The following IGFBP2 variants were observed in gnomAD, a reference collection of about 807,000 sequenced individuals.
The protein encoded by IGFBP2 is insulin-like growth factor-binding protein 2.
IGFBP2 carries 12 observed loss-of-function variants against 26.2 expected under a neutral mutation model. The ratio of observed to expected loss-of-function variants is 0.46; its 90% confidence interval spans 0.29 to 0.74. The LOEUF is 0.74. Ranked by LOEUF, IGFBP2 falls within the 30% of genes least tolerant of loss-of-function variation. The pLI is 0.09. For synonymous variants in IGFBP2, 189 were observed against 200.6 expected (o/e 0.94, Z 0.49); for missense variants, 328 against 441.2 (o/e 0.74, Z 2.30).
chr2:216,637,580 C>T lies in IGFBP2; in HGVS notation c.442+3615C>T, dbSNP rs114765942. ...GGTGGTAATGACCCACTTCTTTAGA[C>T]AAGATATTTGAGGAAGGTTCGAGAA... On this transcript the variant is annotated intron_variant, in intron 1 of 3. Transcript: ENST00000233809. Among the ~76,000 whole-genome samples the T allele has an allele frequency of 4.1e-3, 630 of 152,284 alleles. 4 individuals carry two copies. Among genetic ancestry groups the T allele is most frequent in the African/African-American group, 0.015 (610 of 41,548 alleles).
rs550424512 is a variant in IGFBP2 at position 216,664,366 on chromosome 2, G to A, written c.*262G>A. 104 of 351,896 alleles carry A rather than the reference G, an allele frequency of 3.0e-4. 1 individual carries two copies. The highest frequency in any genetic ancestry group is 1.7e-3 in the African/African-American group (80 of 48,378). The allele number at this position is 351,896 out of a possible 1,614,324, so 21.8% of individuals were successfully genotyped here. A position where few individuals can be genotyped will look rare whatever the true frequency, so the allele number is the denominator to read the frequency against. On this transcript the variant is annotated 3_prime_UTR_variant, in exon 4 of 4. Transcript: ENST00000233809. This position sits in a 1 kb window ranked among gnomAD's most constrained non-coding sequence, Gnocchi z 4.6. The stretch of plus-strand genomic sequence containing the variant: ...GGGAGCTGGGGTACAGGTTTGGGGA[G>A]GGGGAAGAGAAATTTTTATTTTTGA...
At chr2:216,641,438 A>G (rs962375332) in intron 1 of IGFBP2, among the ~76,000 whole-genome samples, 1 of 152,146 alleles carries the variant, frequency 6.6e-6, no homozygotes, top group African/African-American at 2.4e-5. Flanking sequence ...AAAGATATAA[A>G]CTATATATAA....
intron 1 of IGFBP2, among the ~76,000 whole-genome samples, chr2:216,645,514 C>T (rs937582028): frequency 2.0e-5 from 3 of 152,148 alleles, no homozygotes; most frequent in African/African-American, 7.2e-5. Flanking sequence ...GTTCATTTAT[C>T]AAGTGTGAGG....
In IGFBP2 at chr2:216,633,951, C is replaced by T. The variant is rs201501424; in HGVS notation, c.428C>T (p.Pro143Leu). The T allele has an allele frequency of 3.7e-6, 6 of 1,601,694 alleles. No homozygotes were observed. Among genetic ancestry groups the T allele is most frequent in the South Asian group, 3.4e-5 (3 of 88,884 alleles). Reference sequence around the variant, plus strand: ...CGGGACGCCGAGTATGGCGCCAGCCCGGAGCAGGTTGCAGGTAACGCGGTC... The same window carrying T: ...CGGGACGCCGAGTATGGCGCCAGCCTGGAGCAGGTTGCAGGTAACGCGGTC... The part of the protein sequence containing the change: ...KRRDAEYGAS[P>L]EQVADNGDDH... Residue 143 changes from proline to leucine, a missense_variant, in exon 1 of 4, where the codon CCG becomes CTG. By Grantham distance (98) the Pro-to-Leu change is moderately conservative. Transcript: ENST00000233809.
Position 216,633,892 on chromosome 2 carries a change from G to C in IGFBP2, c.369G>C (p.Ala123=), listed in dbSNP as rs746506331. The C allele has an allele frequency of 1.9e-6, 3 of 1,591,750 alleles. No individual in the cohort carries two copies. The highest frequency in any genetic ancestry group is 2.7e-5 in the African/African-American group (2 of 74,520). Residue 123 remains alanine (A), a synonymous_variant, in exon 1 of 4, where the codon GCG becomes GCC. Coordinates refer to ENST00000233809, the MANE Select transcript of IGFBP2 (RefSeq NM_000597.3). The part of the protein sequence containing the change: ...PHPGSELPLQ[A]LVMGEGTCEK... ...CGGGCTCCGAGCTGCCCCTGCAGGC[G>C]CTGGTCATGGGCGAGGGCACTTGTG...
chr2:216,643,203 A>T (rs9341134), intron 1 of IGFBP2, among the ~76,000 whole-genome samples: 13,414 of 152,122 alleles, frequency 0.088, 709 homozygotes, highest in African/African-American at 0.15. Flanking sequence ...CAAAAAAGTG[A>T]TATGTTCTTG....
chr2:216,664,170 A>C lies in IGFBP2; in HGVS notation c.*66A>C. 1 of 1,358,780 alleles carries C rather than the reference A, an allele frequency of 7.4e-7. No individual in the cohort carries two copies. The highest frequency in any genetic ancestry group is 1.0e-6 in the Non-Finnish European group (1 of 1,004,920). The allele number at this position is 1,358,780 out of a possible 1,614,324, so 84.2% of individuals were successfully genotyped here. On this transcript the variant is annotated 3_prime_UTR_variant, in exon 4 of 4. Transcript: ENST00000233809. The surrounding 1 kb of genome is among the most constrained non-coding windows in gnomAD (Gnocchi z 4.6). ...CTCTCCAAACACCGGCAGAAAACGG[A>C]GAGTGCTTGGGTGGTGGGTGCTGGA...
chr2:216,647,198 A>G (rs1697727582), intron 1 of IGFBP2, among the ~76,000 whole-genome samples: 1 of 152,222 alleles, frequency 6.6e-6, no homozygotes, highest in Non-Finnish European at 1.5e-5. Context: ...AAGAGAATCA[A>G]GTTGGACAGG....
At chr2:216,659,195 T>A (rs1255448684) in intron 1 of IGFBP2, among the ~76,000 whole-genome samples, 2 of 152,212 alleles carry the variant, frequency 1.3e-5, no homozygotes, top group Non-Finnish European at 2.9e-5. Flanking sequence ...GGGCACGCCT[T>A]GACAGCAGGT....
At chr2:216,662,332 T>G in intron 3 of IGFBP2, 1 of 288,114 alleles carries the variant, frequency 3.5e-6, no homozygotes, top group Non-Finnish European at 6.7e-6. Context: ...CCTGGAGCTC[T>G]TCCTGGGCCC....
intron 1 of IGFBP2, among the ~76,000 whole-genome samples, chr2:216,657,575 GCACT>G (rs1013026776): frequency 1.4e-4 from 21 of 152,176 alleles, no homozygotes; most frequent in African/African-American, 5.1e-4. Flanking sequence ...CTGAGCAGGG[GCACT>G]CACTCAGCCT....
At chr2:216,636,075 G>A (rs1278671929) in intron 1 of IGFBP2, among the ~76,000 whole-genome samples, 1 of 151,672 alleles carries the variant, frequency 6.6e-6, no homozygotes, top group African/African-American at 2.4e-5. Context: ...AGCTTGCAAG[G>A]GTGCAGGAGA....
chr2:216,640,025 C>T (rs1409049730), intron 1 of IGFBP2, among the ~76,000 whole-genome samples: 1 of 152,156 alleles, frequency 6.6e-6, no homozygotes, highest in Non-Finnish European at 1.5e-5. Context: ...CTCCCTCTTC[C>T]TCCTCCTGCC....
At chr2:216,650,551 T>C (rs779779685) in intron 1 of IGFBP2, among the ~76,000 whole-genome samples, 4 of 152,236 alleles carry the variant, frequency 2.6e-5, no homozygotes, top group Non-Finnish European at 5.9e-5. Context: ...GTAGGTGTTT[T>C]GTCACCGTGG....
chr2:216,663,984 G>T lies in IGFBP2; in HGVS notation c.858G>T (p.Val286=), dbSNP rs775490945. The T allele has an allele frequency of 9.9e-6, 16 of 1,614,074 alleles. No individual in the cohort carries two copies. Among genetic ancestry groups the T allele is most frequent in the Non-Finnish European group, 1.3e-5 (15 of 1,180,038 alleles). The change falls in exon 4 of 4, where the codon GTG becomes GTT. Residue 286 remains valine, a synonymous_variant. Coordinates refer to ENST00000233809, the MANE Select transcript of IGFBP2 (RefSeq NM_000597.3). ...GGCAGCGTGGGGAGTGCTGGTGTGT[G>T]AACCCCAACACCGGGAAGCTGATCC... is the stretch of plus-strand genomic sequence containing the variant. ...LNGQRGECWC[V]NPNTGKLIQG...
chr2:216,640,335 C>T lies in IGFBP2; in HGVS notation c.442+6370C>T, dbSNP rs9341128. Among the ~76,000 whole-genome samples, 1,457 of 152,240 alleles carry T rather than the reference C, an allele frequency of 9.6e-3. 27 individuals are homozygous for T. The highest frequency in any genetic ancestry group is 0.033 in the African/African-American group (1,365 of 41,536). On this transcript the variant is annotated intron_variant, in intron 1 of 3. Transcript: ENST00000233809. ...TATAGGCCAGGGAATGGGATTCTCT[C>T]CTATAAGAGTTAGCACTAGCGCTGC... is the stretch of plus-strand genomic sequence containing the variant.
chr2:216,642,597 C>T (rs1396227476), intron 1 of IGFBP2, among the ~76,000 whole-genome samples: 6 of 152,244 alleles, frequency 3.9e-5, no homozygotes, highest in Non-Finnish European at 7.3e-5. Context: ...TGAGCTACCA[C>T]GCCTGGCCTA....
chr2:216,655,911 A>G (rs569551603), intron 1 of IGFBP2, among the ~76,000 whole-genome samples: 1 of 152,284 alleles, frequency 6.6e-6, no homozygotes, highest in East Asian at 1.9e-4. Context: ...ACAAAAAAAA[A>G]AAATCAAAAA....
At chr2:216,640,449 C>T (rs969967296) in intron 1 of IGFBP2, among the ~76,000 whole-genome samples, 20 of 152,170 alleles carry the variant, frequency 1.3e-4, no homozygotes, top group African/African-American at 4.8e-4. Context: ...TTCTAGATCC[C>T]TCTGCTTATC....
Sources: allele counts gnomAD v4.1 joint callset (sites outside exome capture counted in the v4.1 genomes callset), GRCh38; gene constraint gnomAD v4.1.1; non-coding constraint Gnocchi (gnomAD v3.1); transcripts MANE v1.5; gene names NCBI Gene and HGNC (gene_info 2026-07-23, HGNC 2026-07-21).